Variants in CNIH1 observed in about 807,000 individuals in gnomAD.
The protein encoded by CNIH1 is cornichon family member 1, also known as protein cornichon homolog 1.
A neutral mutation model predicts 20.2 loss-of-function variants in CNIH1; 12 were observed. That is an observed-to-expected ratio of 0.59 (90% confidence interval 0.38 to 0.96). The LOEUF is 0.96. Ranked by LOEUF, CNIH1 falls within the 40% of genes least tolerant of loss-of-function variation. The pLI is 0.00. For synonymous variants in CNIH1, 69 were observed against 63.3 expected, an observed-to-expected ratio of 1.09 and a Z score of -0.43; for missense variants, 152 against 178.8, an observed-to-expected ratio of 0.85 and a Z score of 0.85.
intron 2 of CNIH1, 122 bp from the exon 3 acceptor site, chr14:54,432,342 T>G (rs190349012): frequency 1.9e-6 from 1 of 517,836 alleles, no homozygotes; most frequent in Non-Finnish European, 3.5e-6. Context: ...GACTCAGAAA[T>G]AAAAGATGCT....
intron 4 of CNIH1, 60 bp from the exon 5 acceptor site, chr14:54,427,901 A>G: frequency 6.6e-7 from 1 of 1,514,736 alleles, no homozygotes; most frequent in South Asian, 1.1e-5. Flanking sequence ...AAAAACTCAG[A>G]GCATGAGAGA....
At position 54,424,899 on chromosome 14, in the gene CNIH1, A is replaced by G. The variant is rs1159935919; in HGVS notation, c.*2915T>C. Reference sequence around the variant, plus strand: ...GGAAACTATTACTTATACTCGATCCATACTCAAGTCAAAAGTGGATGGTCT... The same window carrying G: ...GGAAACTATTACTTATACTCGATCCGTACTCAAGTCAAAAGTGGATGGTCT... On this transcript the variant is annotated 3_prime_UTR_variant, in exon 5 of 5. Transcript: ENST00000216416. 1 of 152,212 alleles carries G rather than the reference A, an allele frequency of 6.6e-6. No homozygotes were observed. The highest frequency in any genetic ancestry group is 2.4e-5 in the African/African-American group (1 of 41,458). 9.4% of individuals were successfully genotyped at this position (152,212 alleles called of 1,614,324 possible).
In CNIH1 at chr14:54,427,478, C is replaced by T. The variant is rs1460840888; in HGVS notation, c.*336G>A. On this transcript the variant is annotated 3_prime_UTR_variant, in exon 5 of 5. Coordinates refer to ENST00000216416, the MANE Select transcript of CNIH1 (RefSeq NM_005776.3). ...CCCTACAAGTTCCTATAAACAAAAG[C>T]TTCCAATGTACTAGGACAGTCAGTA... 3 of 227,816 alleles carry T rather than the reference C, an allele frequency of 1.3e-5. No homozygotes were observed. The highest frequency in any genetic ancestry group is 6.8e-5 in the African/African-American group (3 of 44,094). 14.1% of individuals were successfully genotyped at this position (227,816 alleles called of 1,614,324 possible). A position where few individuals can be genotyped will look rare whatever the true frequency, so the allele number is the denominator to read the frequency against.
At chr14:54,438,600 G>C (rs962297627) in intron 1 of CNIH1, among the ~76,000 whole-genome samples, 3 of 152,118 alleles carry the variant, frequency 2.0e-5, no homozygotes, top group Admixed American at 1.3e-4. Flanking sequence ...ACATGAATTA[G>C]GACTAAATTG....
At chr14:54,429,904 T>A (rs1489111280) in intron 4 of CNIH1, among the ~76,000 whole-genome samples, 1 of 152,160 alleles carries the variant, frequency 6.6e-6, no homozygotes, top group Non-Finnish European at 1.5e-5. Context: ...AAACATAATG[T>A]CTGGAGAGAC....
chr14:54,432,477 G>T (rs762990027), intron 2 of CNIH1, among the ~76,000 whole-genome samples: 1 of 152,130 alleles, frequency 6.6e-6, no homozygotes, highest in Non-Finnish European at 1.5e-5. Context: ...CAAATCCTTA[G>T]AGAAACAGAT....
chr14:54,439,939 G>A (rs182375286), intron 1 of CNIH1, among the ~76,000 whole-genome samples: 10 of 152,286 alleles, frequency 6.6e-5, no homozygotes, highest in Admixed American at 3.9e-4. Flanking sequence ...CATCAAAGCA[G>A]GGCTGAAGAT....
At position 54,425,686 on chromosome 14, in the gene CNIH1, T is replaced by C. The variant is rs1174528907; in HGVS notation, c.*2128A>G. 6.6e-6 allele frequency: 1 copy of C among 152,312 alleles called. No homozygotes were observed. The highest frequency in any genetic ancestry group is 2.1e-4 in the South Asian group (1 of 4,830). 9.4% of individuals were successfully genotyped at this position (152,312 alleles called of 1,614,324 possible). On this transcript the variant is annotated 3_prime_UTR_variant, in exon 5 of 5. Coordinates refer to ENST00000216416, the MANE Select transcript of CNIH1 (RefSeq NM_005776.3). Reference sequence around the variant, plus strand: ...GCAGGTACTCAATCTTTTAATCACTTACATGCCTAGGAACTCACAAACTAC... The same window carrying C: ...GCAGGTACTCAATCTTTTAATCACTCACATGCCTAGGAACTCACAAACTAC...
Position 54,435,741 on chromosome 14 carries a change from C to T in CNIH1, c.150+628G>A, listed in dbSNP as rs577577351. Reference sequence around the variant, plus strand: ...GCAGATAAGTCCATACTAAAGATTTCACTCACATACTACCTCACAATAAGT... The same window carrying T: ...GCAGATAAGTCCATACTAAAGATTTTACTCACATACTACCTCACAATAAGT... On this transcript the variant is annotated intron_variant, in intron 2 of 4. Coordinates refer to ENST00000216416, the MANE Select transcript of CNIH1 (RefSeq NM_005776.3). Among the ~76,000 whole-genome samples, 16 of 152,260 alleles carry T rather than the reference C, an allele frequency of 1.1e-4. No homozygotes were observed. The South Asian group carries it at 1.5e-3, about 14-fold the overall frequency.
chr14:54,436,689 C>A, intron 1 of CNIH1: 1 of 535,656 alleles, frequency 1.9e-6, no homozygotes, highest in Admixed American at 3.1e-5. Flanking sequence ...TCAATTTCGT[C>A]AATGCCTCTG....
At position 54,423,749 on chromosome 14, in the gene CNIH1, G is replaced by A. The variant is rs914224515; in HGVS notation, c.*4065C>T. On this transcript the variant is annotated 3_prime_UTR_variant, in exon 5 of 5. Transcript: ENST00000216416. Reference sequence around the variant, plus strand: ...TCTTAGTAGTTTTAGGGTCTGCCCAGTAATCAAGAAATTTTACTTCTCCAG... The same window carrying A: ...TCTTAGTAGTTTTAGGGTCTGCCCAATAATCAAGAAATTTTACTTCTCCAG... The A allele has an allele frequency of 3.9e-5, 6 of 152,144 alleles. No homozygotes were observed. The highest frequency in any genetic ancestry group is 5.9e-5 in the Non-Finnish European group (4 of 68,020). The allele number at this position is 152,144 out of a possible 1,614,324, so 9.4% of individuals were successfully genotyped here.
rs563151278 is a variant in CNIH1, at chr14:54,426,725, C to G, written c.*1089G>C. On this transcript the variant is annotated 3_prime_UTR_variant, in exon 5 of 5. Transcript: ENST00000216416. ...AGAGAAATGATGATGCTATGCCATCCACGTTTATGAATCTTGTCAAATGAC... is the reference window on the plus strand; with the variant it reads ...AGAGAAATGATGATGCTATGCCATCGACGTTTATGAATCTTGTCAAATGAC... 6.6e-6 allele frequency: 1 copy of G among 152,210 alleles called. No homozygotes were observed. Among genetic ancestry groups the G allele is most frequent in the South Asian group, 2.1e-4 (1 of 4,824 alleles). 9.4% of individuals were successfully genotyped at this position (152,210 alleles called of 1,614,324 possible).
chr14:54,427,729 T>G lies in CNIH1; in HGVS notation c.*85A>C, dbSNP rs1354214459. ...ACTGATCAGATTCCACAGGCTACTC[T>G]TGGACAGGATCTTGCTGGATAGAAT... On this transcript the variant is annotated 3_prime_UTR_variant, in exon 5 of 5. Transcript: ENST00000216416. The G allele has an allele frequency of 7.1e-7, 1 of 1,412,842 alleles. No homozygotes were observed. The highest frequency in any genetic ancestry group is 1.4e-5 in the African/African-American group (1 of 70,432). The allele number at this position is 1,412,842 out of a possible 1,614,324, so 87.5% of individuals were successfully genotyped here.
At chr14:54,432,444 T>C (rs914024479) in intron 2 of CNIH1, among the ~76,000 whole-genome samples, 3 of 152,232 alleles carry the variant, frequency 2.0e-5, no homozygotes, top group African/African-American at 7.2e-5. Context: ...CATAGTAAGA[T>C]ACATGACTTA....
At chr14:54,430,170 CAA>C in intron 4 of CNIH1, 89 bp downstream of exon 4, 1 of 1,334,016 alleles carries the variant, frequency 7.5e-7, no homozygotes, top group Non-Finnish European at 1.0e-6. Flanking sequence ...AGTTATTCTT[CAA>C]ATGGATTTTG....
At chr14:54,431,112 A>G (rs767739881) in intron 3 of CNIH1, among the ~76,000 whole-genome samples, 2 of 151,830 alleles carry the variant, frequency 1.3e-5, no homozygotes, top group Admixed American at 6.6e-5. Flanking sequence ...GACATGAGCC[A>G]CTGTACCTGG....
At chr14:54,435,548 A>T (rs982965002) in intron 2 of CNIH1, among the ~76,000 whole-genome samples, 1 of 152,188 alleles carries the variant, frequency 6.6e-6, no homozygotes, top group Non-Finnish European at 1.5e-5. Context: ...TTGTATACAA[A>T]TTGTTATCTA....
chr14:54,427,622 CTGAG>C lies in CNIH1; in HGVS notation c.*188_*191del, dbSNP rs1337484929. On this transcript the variant is annotated 3_prime_UTR_variant, in exon 5 of 5. Transcript: ENST00000216416. ...ACGTAATACCATTTAAAATCTTTAT[CTGAG>C]TATAACATATGAAAACAGTCTTTCC... 1 of 577,130 alleles carries C rather than the reference CTGAG, an allele frequency of 1.7e-6. No individual in the cohort carries two copies. Among genetic ancestry groups the C allele is most frequent in the Non-Finnish European group, 3.1e-6 (1 of 326,826 alleles). 35.8% of individuals were successfully genotyped at this position (577,130 alleles called of 1,614,324 possible). A position where few individuals can be genotyped will look rare whatever the true frequency, so the allele number is the denominator to read the frequency against.
chr14:54,428,563 T>C (rs1260783556), intron 4 of CNIH1, among the ~76,000 whole-genome samples: 5 of 152,258 alleles, frequency 3.3e-5, no homozygotes, highest in African/African-American at 1.2e-4. Flanking sequence ...TGCTACCATA[T>C]CCTGCTGAAC....
Sources: gnomAD v4.1 joint callset for allele counts (sites outside exome capture counted in the v4.1 genomes callset) on GRCh38, gnomAD v4.1.1 for gene constraint, MANE v1.5 for transcripts, NCBI Gene and HGNC (gene_info 2026-07-23, HGNC 2026-07-21) for gene names.